BICRAL: variants seen among roughly 807,000 people sequenced by gnomAD.
BICRAL encodes BRD4-interacting chromatin-remodeling complex-associated protein-like.
Under a neutral mutation model 91.8 loss-of-function variants are expected in BICRAL, and 8 were observed. The observed-to-expected ratio is 0.09, with a 90% CI of 0.05 to 0.16. The LOEUF is 0.16. Ranked by LOEUF, BICRAL falls within the 10% of genes least tolerant of loss-of-function variation. The pLI, the probability that BICRAL is intolerant of heterozygous loss-of-function variation, is 1.00. For missense variants in BICRAL, 1,038 were observed against 1,310.9 expected, an observed-to-expected ratio of 0.79 and a Z score of 3.21; for synonymous variants, 445 against 491.1, an observed-to-expected ratio of 0.91 and a Z score of 1.24.
At chr6:42,793,321 T>A (rs1036274644) in intron 1 of BICRAL, among the ~76,000 whole-genome samples, 4 of 120,010 alleles carry the variant, frequency 3.3e-5, no homozygotes, top group African/African-American at 9.7e-5. Context: ...TTTTTTTTTT[T>A]TTTTGTATTT....
chr6:42,793,762 CTTTTT>C (rs70990140), intron 1 of BICRAL, among the ~76,000 whole-genome samples: 1 of 99,242 alleles, frequency 1.0e-5, no homozygotes, highest in Non-Finnish European at 2.0e-5. Context: ...CTCAAGATGA[CTTTTT>C]TTTTTTTTTT....
chr6:42,842,856 A>ATTT (rs35206768), intron 6 of BICRAL, among the ~76,000 whole-genome samples: 2 of 142,400 alleles, frequency 1.4e-5, no homozygotes, highest in Admixed American at 7.1e-5. Context: ...AGAACACAGT[A>ATTT]TTTTTTTTTT....
At chr6:42,831,693 A>G (rs1764484515) in intron 6 of BICRAL, among the ~76,000 whole-genome samples, 1 of 151,192 alleles carries the variant, frequency 6.6e-6, no homozygotes, top group Non-Finnish European at 1.5e-5. Flanking sequence ...CCTCCTCCAC[A>G]TTCAGAAGGA....
chr6:42,799,555 A>G (rs1763507728), intron 1 of BICRAL, among the ~76,000 whole-genome samples: 6 of 152,112 alleles, frequency 3.9e-5, no homozygotes, highest in Non-Finnish European at 8.8e-5. Flanking sequence ...CAGCCTCCCA[A>G]AGTGCTGGGA....
rs756295832 is a variant in BICRAL, at chr6:42,828,530, A to G, written c.197A>G (p.Asn66Ser). 3.1e-6 allele frequency: 5 copies of G among 1,613,664 alleles called. No homozygotes were observed. The South Asian group carries it at 3.3e-5, about 11-fold the overall frequency. ...DPKSSLKGVS[N>S]QLGEGPSDGL... ...AAGTCATCCCTCAAAGGTGTAAGCAACCAGCTTGGAGAAGGGCCCAGTGAT... is the reference window on the plus strand; with the variant it reads ...AAGTCATCCCTCAAAGGTGTAAGCAGCCAGCTTGGAGAAGGGCCCAGTGAT... The change falls in exon 6 of 13, where the codon AAC becomes AGC. Residue 66 changes from asparagine (N) to serine (S), a missense_variant. Coordinates refer to ENST00000314073, the MANE Select transcript of BICRAL (RefSeq NM_001393499.1).
At chr6:42,852,389 C>T (rs1015005360) in intron 7 of BICRAL, 192 bp downstream of exon 7, 42 of 676,666 alleles carry the variant, frequency 6.2e-5, no homozygotes, top group Non-Finnish European at 7.9e-5. Flanking sequence ...GGGCCGGGCA[C>T]GGTGGCTCAC....
intron 1 of BICRAL, among the ~76,000 whole-genome samples, chr6:42,758,718 A>G (rs1762497048): frequency 6.6e-6 from 1 of 151,576 alleles, no homozygotes; most frequent in Non-Finnish European, 1.5e-5. Context: ...GGTCCAAAAA[A>G]AAAAAAAAAA....
intron 1 of BICRAL, among the ~76,000 whole-genome samples, chr6:42,774,549 T>C (rs1035577937): frequency 6.6e-6 from 1 of 152,194 alleles, no homozygotes; most frequent in Non-Finnish European, 1.5e-5. Flanking sequence ...GTCTTAGACC[T>C]GACTCAGGAT....
At position 42,830,225 on chromosome 6, in the gene BICRAL, G is replaced by A. The variant is rs753620351; in HGVS notation, c.1839+53G>A. 1.9e-6 allele frequency: 3 copies of A among 1,560,104 alleles called. No individual in the cohort carries two copies. The South Asian group carries it at 3.5e-5, about 18-fold the overall frequency. On this transcript the variant is annotated intron_variant, in intron 6 of 12. Transcript: ENST00000314073. ...GGCTGATTATAGAATGGAAAAATGAGATGTGTATTTACTAGAATATAATTT... is the reference window on the plus strand; with the variant it reads ...GGCTGATTATAGAATGGAAAAATGAAATGTGTATTTACTAGAATATAATTT...
intron 2 of BICRAL, among the ~76,000 whole-genome samples, chr6:42,811,226 CT>C (rs1763834176): frequency 6.6e-6 from 1 of 152,216 alleles, no homozygotes; most frequent in African/African-American, 2.4e-5. Flanking sequence ...ACCAACCCAG[CT>C]TACTGTCAAG....
At chr6:42,856,525 C>T (rs1278041187) in intron 9 of BICRAL, among the ~76,000 whole-genome samples, 1 of 151,446 alleles carries the variant, frequency 6.6e-6, no homozygotes. Flanking sequence ...TAGGCACCCG[C>T]CATCACGCCT....
At position 42,828,669 on chromosome 6, in the gene BICRAL, G is replaced by A. The variant is rs566727473; in HGVS notation, c.336G>A (p.Glu112=). 3.7e-6 allele frequency: 6 copies of A among 1,613,952 alleles called. No individual in the cohort carries two copies. The highest frequency in any genetic ancestry group is 2.2e-5 in the East Asian group (1 of 44,876). The part of the protein sequence containing the change: ...PFDILQKSLQ[E]ANITEQTLAE... ...ACATTCTTCAGAAATCCTTGCAAGAGGCCAATATCACTGAACAGACATTGG... is the reference window on the plus strand; with the variant it reads ...ACATTCTTCAGAAATCCTTGCAAGAAGCCAATATCACTGAACAGACATTGG... The change falls in exon 6 of 13, where the codon GAG becomes GAA. Residue 112 remains glutamate (E), a synonymous_variant. Transcript: ENST00000314073.
intron 1 of BICRAL, among the ~76,000 whole-genome samples, chr6:42,783,095 G>A (rs1173666523): frequency 6.6e-6 from 1 of 151,410 alleles, no homozygotes; most frequent in Non-Finnish European, 1.5e-5. Context: ...TCCGGGGTGC[G>A]GCGGGGAGAG....
chr6:42,857,600 T>TAAA (rs748078737), intron 10 of BICRAL, among the ~76,000 whole-genome samples: 40 of 101,330 alleles, frequency 3.9e-4, no homozygotes, highest in South Asian at 1.8e-3. Context: ...CACTGTCTCT[T>TAAA]AAAAAAAAAA....
intron 6 of BICRAL, among the ~76,000 whole-genome samples, chr6:42,849,841 C>G (rs763498710): frequency 3.1e-4 from 47 of 151,948 alleles, no homozygotes; most frequent in Non-Finnish European, 5.4e-4. Flanking sequence ...CACTTGAGGT[C>G]AGGAGTTCAA....
chr6:42,789,812 G>A (rs1035535774), intron 1 of BICRAL, among the ~76,000 whole-genome samples: 5 of 152,210 alleles, frequency 3.3e-5, no homozygotes, highest in East Asian at 1.9e-4. Flanking sequence ...ACCTATAGAC[G>A]TAGAGATTGT....
chr6:42,814,426 T>C (rs1280680412), intron 2 of BICRAL, among the ~76,000 whole-genome samples: 1 of 144,898 alleles, frequency 6.9e-6, no homozygotes, highest in Non-Finnish European at 1.5e-5. Flanking sequence ...CATACATATA[T>C]ATACACATAC....
chr6:42,762,129 A>C (rs1191499399), intron 1 of BICRAL, among the ~76,000 whole-genome samples: 1 of 151,758 alleles, frequency 6.6e-6, no homozygotes, highest in Non-Finnish European at 1.5e-5. Flanking sequence ...TTTGCTTTGT[A>C]CTCTATGACT....
chr6:42,775,125 G>T (rs889401115), intron 1 of BICRAL, among the ~76,000 whole-genome samples: 1 of 152,098 alleles, frequency 6.6e-6, no homozygotes, highest in South Asian at 2.1e-4. Context: ...TAGAGACAGG[G>T]TTTCACCATG....
Sources: gnomAD v4.1 joint callset for allele counts (sites outside exome capture counted in the v4.1 genomes callset) on GRCh38, gnomAD v4.1.1 for gene constraint, MANE v1.5 for transcripts, NCBI Gene and HGNC (gene_info 2026-07-23, HGNC 2026-07-21) for gene names.